CSMD1: variants seen among roughly 807,000 people sequenced by gnomAD.
CSMD1 encodes CUB and Sushi multiple domains 1, also known as CUB and sushi domain-containing protein 1.
A neutral mutation model predicts 417.5 loss-of-function variants in CSMD1; 213 were observed. The ratio of observed to expected loss-of-function variants is 0.51; its 90% confidence interval spans 0.46 to 0.57. The LOEUF (loss-of-function observed/expected upper bound fraction) is 0.57, where lower values mean the gene tolerates loss of function less well. CSMD1 is among the 20% of genes least tolerant of loss of function. The pLI is 0.00. For missense variants in CSMD1, 6,923 were observed against 4,529.7 expected (o/e 1.53, Z -15.17); for synonymous variants, 2,862 against 1,736.8 (o/e 1.65, Z -16.11).
intron 18 of CSMD1, among the ~76,000 whole-genome samples, chr8:3,387,118 A>C (rs1811050003): frequency 6.6e-6 from 1 of 152,232 alleles, no homozygotes; most frequent in South Asian, 2.1e-4. Context: ...CTGTAGACTG[A>C]GAGGAAGTGA....
At chr8:4,371,764 A>G (rs1271736329) in intron 3 of CSMD1, among the ~76,000 whole-genome samples, 1 of 152,234 alleles carries the variant, frequency 6.6e-6, no homozygotes, top group Non-Finnish European at 1.5e-5. Flanking sequence ...TTACGGTTAC[A>G]TAATAGACAA....
At chr8:3,028,595 T>C (rs553343380) in intron 51 of CSMD1, among the ~76,000 whole-genome samples, 2 of 152,336 alleles carry the variant, frequency 1.3e-5, no homozygotes, top group South Asian at 4.1e-4. Flanking sequence ...GGTACGTGTT[T>C]CATTAACATT....
chr8:4,475,767 C>G (rs990761071), intron 2 of CSMD1, among the ~76,000 whole-genome samples: 53 of 152,184 alleles, frequency 3.5e-4, no homozygotes, highest in African/African-American at 1.2e-3. Context: ...CGTGCACCAC[C>G]ACACACAGCT....
intron 2 of CSMD1, among the ~76,000 whole-genome samples, chr8:4,463,238 T>C: frequency 6.6e-6 from 1 of 152,180 alleles, no homozygotes; most frequent in East Asian, 1.9e-4. Flanking sequence ...CGTACTGAGA[T>C]ACCAGTTCAT....
chr8:3,223,863 A>T lies in CSMD1; in HGVS notation c.4350T>A (p.Ala1450=). 1 of 1,613,790 alleles carries T rather than the reference A, an allele frequency of 6.2e-7. No individual in the cohort carries two copies. Among genetic ancestry groups the T allele is most frequent in the Admixed American group, 1.7e-5 (1 of 60,006 alleles). ...CTGGGCCCGTCAGATTCCCTCCACAAGCAGCTGTCACAGAACAAAAGTTAC... is the reference window on the plus strand; with the variant it reads ...CTGGGCCCGTCAGATTCCCTCCACATGCAGCTGTCACAGAACAAAAGTTAC... ...WQPDPPTCIA[A]CGGNLTGPAG... Residue 1450 remains alanine, a synonymous_variant, in exon 28 of 70, where the codon GCT becomes GCA. Transcript: ENST00000635120.
At chr8:4,403,122 C>T (rs117446511) in intron 3 of CSMD1, among the ~76,000 whole-genome samples, 231 of 152,082 alleles carry the variant, frequency 1.5e-3, no homozygotes, top group Non-Finnish European at 2.6e-3. Context: ...TGAGCCACTG[C>T]CCCCGGCCAA....
intron 5 of CSMD1, among the ~76,000 whole-genome samples, chr8:3,940,736 G>C (rs931512858): frequency 2.0e-5 from 3 of 151,132 alleles, no homozygotes; most frequent in Non-Finnish European, 4.4e-5. Flanking sequence ...CATTTTTAAA[G>C]TAGCTTATTT....
intron 1 of CSMD1, among the ~76,000 whole-genome samples, chr8:4,773,053 G>A (rs942042096): frequency 1.3e-5 from 2 of 152,070 alleles, no homozygotes; most frequent in African/African-American, 2.4e-5. Context: ...TATCTGAAAT[G>A]TTTGCCACCA....
intron 1 of CSMD1, among the ~76,000 whole-genome samples, chr8:4,705,055 G>A (rs1451018643): frequency 6.6e-6 from 1 of 152,142 alleles, no homozygotes; most frequent in African/African-American, 2.4e-5. Context: ...TCTCATGCTA[G>A]TGGGTGAGTT....
At chr8:3,622,005 G>C (rs1013535084) in intron 7 of CSMD1, among the ~76,000 whole-genome samples, 2 of 151,574 alleles carry the variant, frequency 1.3e-5, no homozygotes, top group African/African-American at 2.4e-5. Flanking sequence ...GTGTGTGTGT[G>C]TGTGTGTGTG....
At chr8:3,550,535 G>A (rs146308604) in intron 10 of CSMD1, among the ~76,000 whole-genome samples, 17 of 152,258 alleles carry the variant, frequency 1.1e-4, no homozygotes, top group Non-Finnish European at 2.5e-4. Context: ...ATTCACTCAG[G>A]GTGATTAGCA....
chr8:4,260,830 CTT>C (rs1295543530), intron 3 of CSMD1, among the ~76,000 whole-genome samples: 3 of 152,146 alleles, frequency 2.0e-5, no homozygotes, highest in African/African-American at 2.4e-5. Context: ...TTATGACACT[CTT>C]TGTCTCCAAT....
At chr8:4,036,550 T>C (rs111884872) in intron 3 of CSMD1, among the ~76,000 whole-genome samples, 5 of 152,212 alleles carry the variant, frequency 3.3e-5, no homozygotes, top group African/African-American at 1.2e-4. Context: ...GAAAAATATT[T>C]ATTCTGTTCA....
intron 3 of CSMD1, among the ~76,000 whole-genome samples, chr8:4,332,221 C>T (rs1799905484): frequency 1.3e-5 from 2 of 152,056 alleles, no homozygotes; most frequent in Non-Finnish European, 2.9e-5. Flanking sequence ...GCGGATCCCT[C>T]ACGAAGCTAA....
intron 12 of CSMD1, among the ~76,000 whole-genome samples, chr8:3,415,622 C>T (rs969565148): frequency 6.6e-6 from 1 of 152,186 alleles, no homozygotes; most frequent in Non-Finnish European, 1.5e-5. Context: ...AGCCTCCCAA[C>T]AGGCTGCGAT....
At chr8:4,293,870 G>A (rs1018872878) in intron 3 of CSMD1, among the ~76,000 whole-genome samples, 1 of 152,138 alleles carries the variant, frequency 6.6e-6, no homozygotes, top group East Asian at 1.9e-4. Context: ...TTGACTCAGT[G>A]GTGAGACCAG....
intron 26 of CSMD1, among the ~76,000 whole-genome samples, chr8:3,252,243 C>T (rs1012670242): frequency 2.0e-5 from 3 of 152,064 alleles, no homozygotes; most frequent in African/African-American, 7.2e-5. Flanking sequence ...CCCATCAATA[C>T]CTGATTTATT....
chr8:3,059,788 G>A (rs977484265), intron 49 of CSMD1, among the ~76,000 whole-genome samples: 8 of 152,060 alleles, frequency 5.3e-5, no homozygotes, highest in Non-Finnish European at 1.2e-4. Context: ...GGACCAACAG[G>A]GTGTGGGAGT....
intron 1 of CSMD1, among the ~76,000 whole-genome samples, chr8:4,762,727 T>A (rs1365604904): frequency 6.6e-6 from 1 of 152,142 alleles, no homozygotes; most frequent in Non-Finnish European, 1.5e-5. Flanking sequence ...GCTATTGTGC[T>A]TCCTCCATCT....
Sources: gnomAD v4.1 joint callset for allele counts (sites outside exome capture counted in the v4.1 genomes callset) on GRCh38, gnomAD v4.1.1 for gene constraint, MANE v1.5 for transcripts, NCBI Gene and HGNC (gene_info 2026-07-23, HGNC 2026-07-21) for gene names.